Variants in PAX5 observed in about 807,000 individuals in gnomAD.
The protein encoded by PAX5 is paired box protein Pax-5.
PAX5 carries 9 observed loss-of-function variants against 43.7 expected under a neutral mutation model. The observed-to-expected ratio is 0.21, with a 90% CI of 0.12 to 0.36. The LOEUF (loss-of-function observed/expected upper bound fraction) is 0.36, where lower values mean the gene tolerates loss of function less well. PAX5 is among the 10% of genes least tolerant of loss of function. The pLI is 1.00. For synonymous variants in PAX5, 228 were observed against 214.3 expected (o/e 1.06, Z -0.56); for missense variants, 383 against 532.7 (o/e 0.72, Z 2.77).
intron 6 of PAX5, among the ~76,000 whole-genome samples, chr9:36,965,189 C>T (rs1834310984): frequency 6.6e-6 from 1 of 152,164 alleles, no homozygotes; most frequent in Non-Finnish European, 1.5e-5. Context: ...CAGACACCTC[C>T]TCCTTAGCAC....
chr9:36,999,855 G>A (rs557748134), intron 5 of PAX5, among the ~76,000 whole-genome samples: 14 of 151,852 alleles, frequency 9.2e-5, no homozygotes, highest in South Asian at 2.1e-4. Context: ...TTCTCTCTCC[G>A]CATCCAACCT....
intron 9 of PAX5, among the ~76,000 whole-genome samples, chr9:36,846,634 G>A (rs930796859): frequency 1.1e-4 from 16 of 152,176 alleles, no homozygotes; most frequent in Non-Finnish European, 2.9e-5. Flanking sequence ...CAAAGCATCT[G>A]GGGGAGGGAG....
At chr9:37,028,594 T>C (rs1840661700) in intron 1 of PAX5, among the ~76,000 whole-genome samples, 1 of 152,146 alleles carries the variant, frequency 6.6e-6, no homozygotes. Flanking sequence ...GCCAGAGGCT[T>C]TGGGAGCTGG....
At chr9:36,941,125 G>C (rs1272541662) in intron 6 of PAX5, among the ~76,000 whole-genome samples, 1 of 152,212 alleles carries the variant, frequency 6.6e-6, no homozygotes, top group Non-Finnish European at 1.5e-5. Context: ...GGCGTGGCCT[G>C]CACAGCCGCT....
intron 6 of PAX5, among the ~76,000 whole-genome samples, chr9:36,941,840 A>T (rs993113974): frequency 5.3e-5 from 8 of 152,162 alleles, no homozygotes; most frequent in African/African-American, 1.9e-4. Flanking sequence ...CCTCCAGGAC[A>T]TGAGACTCAC....
chr9:36,889,154 G>A (rs559651353), intron 7 of PAX5, among the ~76,000 whole-genome samples: 3 of 148,118 alleles, frequency 2.0e-5, no homozygotes, highest in Non-Finnish European at 4.5e-5. Flanking sequence ...TTGGTGACTG[G>A]TCAACCCACA....
rs1044978968 is a variant in PAX5, at chr9:36,882,755, C to T, written c.911-650G>A. Among the ~76,000 whole-genome samples, 1 of 152,236 alleles carries T rather than the reference C, an allele frequency of 6.6e-6. No individual in the cohort carries two copies. The highest frequency in any genetic ancestry group is 1.5e-5 in the Non-Finnish European group (1 of 68,054). On this transcript the variant is annotated intron_variant, in intron 7 of 9. Transcript: ENST00000358127. This position sits in a 1 kb window ranked among gnomAD's most constrained non-coding sequence, Gnocchi z 4.4. ...CCCAGTGCCAAACACTGTTCTGGCCCTGGGACATGGAGGTTAAGGCCTCAG... is the reference window on the plus strand; with the variant it reads ...CCCAGTGCCAAACACTGTTCTGGCCTTGGGACATGGAGGTTAAGGCCTCAG...
chr9:36,982,529 G>A (rs1018113201), intron 5 of PAX5, among the ~76,000 whole-genome samples: 4 of 152,178 alleles, frequency 2.6e-5, no homozygotes, highest in African/African-American at 9.7e-5. Flanking sequence ...TGCAGGCAAT[G>A]AAAGTCTAGA....
At chr9:36,962,966 G>T (rs1164853454) in intron 6 of PAX5, among the ~76,000 whole-genome samples, 2 of 152,236 alleles carry the variant, frequency 1.3e-5, no homozygotes, top group Non-Finnish European at 2.9e-5. Flanking sequence ...AGCATGAGGG[G>T]CTCAAGGAAC....
intron 5 of PAX5, among the ~76,000 whole-genome samples, chr9:36,995,781 G>A (rs1030259467): frequency 6.6e-6 from 1 of 152,102 alleles, no homozygotes; most frequent in African/African-American, 2.4e-5. Flanking sequence ...GAGTCTCGAG[G>A]TCCAGGCTGG....
intron 7 of PAX5, among the ~76,000 whole-genome samples, chr9:36,911,982 A>G (rs976105446): frequency 7.2e-5 from 11 of 152,234 alleles, no homozygotes; most frequent in African/African-American, 2.7e-4. Flanking sequence ...CCCCAAACAC[A>G]CAGTGGATGT....
chr9:36,990,567 A>G (rs557856977), intron 5 of PAX5, among the ~76,000 whole-genome samples: 3 of 152,366 alleles, frequency 2.0e-5, no homozygotes, highest in Admixed American at 1.3e-4. Flanking sequence ...GGACAAGTCA[A>G]CGACATTGGA....
intron 7 of PAX5, among the ~76,000 whole-genome samples, chr9:36,916,745 C>T (rs575069818): frequency 8.6e-4 from 131 of 152,106 alleles, no homozygotes; most frequent in African/African-American, 2.8e-3. Flanking sequence ...AATGCAGTGG[C>T]GTGATCTCGG....
chr9:36,973,963 G>A (rs1268304290), intron 5 of PAX5, among the ~76,000 whole-genome samples: 1 of 152,142 alleles, frequency 6.6e-6, no homozygotes, highest in Non-Finnish European at 1.5e-5. Context: ...TCATGCCATT[G>A]CACTCCAGCC....
At position 36,870,860 on chromosome 9, in the gene PAX5, A is replaced by G. The variant is rs564572644; in HGVS notation, c.1012+11144T>C. ...AAGGGAAGGAGTGCATTGGGCCCCA[A>G]GCCCCTCAGATTGCTGCTGCCCAGT... On this transcript the variant is annotated intron_variant, in intron 8 of 9. Transcript: ENST00000358127. Among the ~76,000 whole-genome samples the G allele has an allele frequency of 4.6e-5, 7 of 152,336 alleles. No homozygotes were observed. In the South Asian group the frequency reaches 1.2e-3, roughly 27 times the overall value.
At chr9:36,862,205 G>A (rs1563903805) in intron 8 of PAX5, among the ~76,000 whole-genome samples, 1 of 152,210 alleles carries the variant, frequency 6.6e-6, no homozygotes, top group East Asian at 1.9e-4. Context: ...CGGGGTTGTG[G>A]TGAGGATTCT....
chr9:36,909,814 A>ATTTTTTTTTTTTT (rs752114508), intron 7 of PAX5, among the ~76,000 whole-genome samples: 2 of 91,870 alleles, frequency 2.2e-5, no homozygotes, highest in African/African-American at 4.8e-5. Flanking sequence ...AGACATTTTA[A>ATTTTTTTTTTTTT]TTTTTTTTTT....
intron 8 of PAX5, among the ~76,000 whole-genome samples, chr9:36,857,842 G>A (rs1020688047): frequency 6.6e-6 from 1 of 152,250 alleles, no homozygotes; most frequent in African/African-American, 2.4e-5. Flanking sequence ...TGAGAATGTA[G>A]GATACTGGCC....
chr9:37,029,416 C>G (rs3119018), intron 1 of PAX5, among the ~76,000 whole-genome samples: 3 of 152,228 alleles, frequency 2.0e-5, no homozygotes, highest in Non-Finnish European at 4.4e-5. Context: ...CTGCGGAAAA[C>G]GGCCCCAGGC....
Sources: gnomAD v4.1 joint callset for allele counts (sites outside exome capture counted in the v4.1 genomes callset) on GRCh38, gnomAD v4.1.1 for gene constraint, Gnocchi (gnomAD v3.1) non-coding constraint, MANE v1.5 for transcripts, NCBI Gene and HGNC (gene_info 2026-07-23, HGNC 2026-07-21) for gene names.